The following SELENOF variants were observed in gnomAD, a reference collection of about 807,000 sequenced individuals.
The protein encoded by SELENOF is selenoprotein F.
In SELENOF, 16 loss-of-function variants were observed where a neutral mutation model predicts 20.5. The ratio of observed to expected loss-of-function variants is 0.78; its 90% CI spans 0.53 to 1.19. The LOEUF (loss-of-function observed/expected upper bound fraction) is 1.19. Ranked by LOEUF, SELENOF falls within the 50% of genes most tolerant of loss-of-function variation. The probability of loss-of-function intolerance (pLI) is 0.00; values close to 1 mark genes in which losing one functional copy is unlikely to be tolerated. For synonymous variants in SELENOF, 78 were observed against 74.5 expected, an observed-to-expected ratio of 1.05 and a Z score of -0.24; for missense variants, 215 against 194.2, an observed-to-expected ratio of 1.11 and a Z score of -0.64.
At chr1:86,899,200 C>G (rs1053815532) in intron 2 of SELENOF, among the ~76,000 whole-genome samples, 2 of 151,486 alleles carry the variant, frequency 1.3e-5, no homozygotes, top group Admixed American at 6.6e-5. Flanking sequence ...CACACAGACA[C>G]GGCAACCATC....
At chr1:86,887,109 T>C in intron 2 of SELENOF, 1 of 1,476,864 alleles carries the variant, frequency 6.8e-7, no homozygotes, top group Non-Finnish European at 9.0e-7. Context: ...GCTGTTCATC[T>C]TCAAGTCTTC....
At chr1:86,879,400 G>A (rs564546590) in intron 3 of SELENOF, among the ~76,000 whole-genome samples, 1 of 152,242 alleles carries the variant, frequency 6.6e-6, no homozygotes, top group South Asian at 2.1e-4. Flanking sequence ...AACAAAGACT[G>A]TTTTTGATTA....
intron 2 of SELENOF, among the ~76,000 whole-genome samples, chr1:86,897,302 TG>T (rs1157831276): frequency 6.6e-6 from 1 of 151,768 alleles, no homozygotes; most frequent in African/African-American, 2.4e-5. Flanking sequence ...CAGGGAGGGG[TG>T]GAAAAAAATC....
intron 1 of SELENOF, among the ~76,000 whole-genome samples, chr1:86,913,412 A>T (rs1276607961): frequency 1.3e-5 from 2 of 152,262 alleles, no homozygotes; most frequent in African/African-American, 2.4e-5. Flanking sequence ...CTTAAAGAAG[A>T]CAACGAACAT....
intron 1 of SELENOF, chr1:86,913,812 C>T (rs546298940): frequency 3.4e-6 from 2 of 584,436 alleles, no homozygotes; most frequent in East Asian, 5.6e-5. Context: ...GTACCCAAGA[C>T]AATCTGAAAT....
chr1:86,869,425 CCTTT>C (rs906790669), intron 3 of SELENOF, among the ~76,000 whole-genome samples: 19 of 152,096 alleles, frequency 1.2e-4, no homozygotes, highest in African/African-American at 3.4e-4. Context: ...AAGGATTTTT[CCTTT>C]CTTTTTCAAT....
chr1:86,883,553 C>T (rs1468212484), intron 2 of SELENOF, among the ~76,000 whole-genome samples: 1 of 151,830 alleles, frequency 6.6e-6, no homozygotes, highest in Non-Finnish European at 1.5e-5. Context: ...GAATAGTGTA[C>T]ATTTTACTAT....
chr1:86,899,954 G>A (rs1433245573), intron 2 of SELENOF, among the ~76,000 whole-genome samples: 3 of 151,726 alleles, frequency 2.0e-5, no homozygotes, highest in Non-Finnish European at 4.4e-5. Context: ...CACACGGGGC[G>A]GCGGGGCAAA....
At chr1:86,864,764 G>A (rs1309586841) in intron 4 of SELENOF, among the ~76,000 whole-genome samples, 6 of 151,612 alleles carry the variant, frequency 4.0e-5, no homozygotes, top group Admixed American at 3.9e-4. Context: ...AGCCTCCCGA[G>A]TAGCTGGGAT....
Position 86,864,443 on chromosome 1 carries a change from C to T in SELENOF, c.367-838G>A, listed in dbSNP as rs191429051. ...GTAGTTCGGCAGTGATGACAGAGTT[C>T]TTAGAACTTCTTCCAGAATTATGCT... On this transcript the variant is annotated intron_variant, in intron 4 of 4. Transcript: ENST00000331835. Among the ~76,000 whole-genome samples the T allele has an allele frequency of 2.5e-4, 38 of 152,238 alleles. 1 individual carries two copies. Among genetic ancestry groups the T allele is most frequent in the Middle Eastern group, 6.8e-3 (2 of 294 alleles).
intron 3 of SELENOF, among the ~76,000 whole-genome samples, chr1:86,875,301 T>C (rs1658897535): frequency 6.6e-6 from 1 of 151,028 alleles, no homozygotes; most frequent in Non-Finnish European, 1.5e-5. Flanking sequence ...GACTGCAAAA[T>C]TGTGTCATCC....
chr1:86,883,703 T>C (rs1659138274), intron 2 of SELENOF, among the ~76,000 whole-genome samples: 2 of 152,294 alleles, frequency 1.3e-5, no homozygotes, highest in South Asian at 2.1e-4. Flanking sequence ...TATATCATGA[T>C]ACATGTGGGA....
At chr1:86,881,522 G>GT (rs1158303576) in intron 2 of SELENOF, among the ~76,000 whole-genome samples, 3 of 152,118 alleles carry the variant, frequency 2.0e-5, no homozygotes, top group African/African-American at 7.2e-5. Flanking sequence ...TTTTAAGAAC[G>GT]TATCATATCC....
chr1:86,893,361 T>G (rs1354284930), intron 2 of SELENOF, among the ~76,000 whole-genome samples: 2 of 151,762 alleles, frequency 1.3e-5, no homozygotes, highest in African/African-American at 4.8e-5. Flanking sequence ...TCCCAGCACT[T>G]TGGGAGGCCA....
At chr1:86,896,211 C>A (rs1659520029) in intron 2 of SELENOF, among the ~76,000 whole-genome samples, 1 of 150,930 alleles carries the variant, frequency 6.6e-6, no homozygotes, top group African/African-American at 2.4e-5. Context: ...CCATTGCACT[C>A]CAGCCTGGGC....
intron 3 of SELENOF, among the ~76,000 whole-genome samples, chr1:86,872,884 T>C (rs936292961): frequency 6.6e-6 from 1 of 151,764 alleles, no homozygotes; most frequent in Non-Finnish European, 1.5e-5. Flanking sequence ...CTACTAAAAA[T>C]ACAAAAAATT....
intron 3 of SELENOF, among the ~76,000 whole-genome samples, chr1:86,871,406 C>T (rs1239369666): frequency 6.6e-6 from 1 of 152,074 alleles, no homozygotes; most frequent in Non-Finnish European, 1.5e-5. Context: ...TAAAACAGTC[C>T]TTCTTTTGAC....
chr1:86,879,480 T>C (rs1161249721), intron 3 of SELENOF, among the ~76,000 whole-genome samples: 1 of 152,210 alleles, frequency 6.6e-6, no homozygotes, highest in Non-Finnish European at 1.5e-5. Flanking sequence ...CTGTGCCAAA[T>C]GATCAATATT....
In SELENOF at chr1:86,904,311, T is replaced by C. The variant is rs144140474; in HGVS notation, c.85-863A>G. ...GCAAACTATCCTCCCTAAGCTTTAA[T>C]TTCCTCACTCATAAATTAAGGGGCA... is the stretch of plus-strand genomic sequence containing the variant. On this transcript the variant is annotated intron_variant, in intron 1 of 4. Transcript: ENST00000331835. Among the ~76,000 whole-genome samples the C allele has an allele frequency of 1.6e-3, 244 of 152,330 alleles. 1 individual carries two copies. Among genetic ancestry groups the C allele is most frequent in the African/African-American group, 5.7e-3 (236 of 41,568 alleles).
Sources: gnomAD v4.1 joint callset for allele counts (sites outside exome capture counted in the v4.1 genomes callset) on GRCh38, gnomAD v4.1.1 for gene constraint, MANE v1.5 for transcripts, NCBI Gene and HGNC (gene_info 2026-07-23, HGNC 2026-07-21) for gene names.